CSMD1: variants seen among roughly 807,000 people sequenced by gnomAD.
CSMD1 encodes CUB and Sushi multiple domains 1.
Under a neutral mutation model 417.5 loss-of-function variants are expected in CSMD1, and 213 were observed. The ratio of observed to expected loss-of-function variants is 0.51; its 90% CI spans 0.46 to 0.57. The LOEUF (loss-of-function observed/expected upper bound fraction) is 0.57. CSMD1 is among the 20% of genes least tolerant of loss of function. CSMD1 has a pLI of 0.00. For synonymous variants in CSMD1, 2,862 were observed against 1,736.8 expected, an observed-to-expected ratio of 1.65 and a Z score of -16.11; for missense variants, 6,923 against 4,529.7, an observed-to-expected ratio of 1.53 and a Z score of -15.17.
chr8:3,692,714 T>C (rs1186887331), intron 7 of CSMD1, among the ~76,000 whole-genome samples: 2 of 152,188 alleles, frequency 1.3e-5, no homozygotes, highest in Non-Finnish European at 1.5e-5. Flanking sequence ...ATTACAGGCA[T>C]AAGCCACCAC....
intron 2 of CSMD1, among the ~76,000 whole-genome samples, chr8:4,575,817 G>C (rs1387687291): frequency 6.6e-6 from 1 of 152,290 alleles, no homozygotes; most frequent in Non-Finnish European, 1.5e-5. Flanking sequence ...CTAGTCTGAG[G>C]TCGCAATGTC....
chr8:4,961,518 T>C lies in CSMD1; in HGVS notation c.85+32814A>G, dbSNP rs57407188. On this transcript the variant is annotated intron_variant, in intron 1 of 69. Coordinates refer to ENST00000635120, the MANE Select transcript of CSMD1 (RefSeq NM_033225.6). ...TCAGCACCAATAAGTATCCATTAGTTTGGCTAGTTTGAAAATTAGTTCCTC... is the reference window on the plus strand; with the variant it reads ...TCAGCACCAATAAGTATCCATTAGTCTGGCTAGTTTGAAAATTAGTTCCTC... Among the ~76,000 whole-genome samples the C allele has an allele frequency of 7.7e-3, 1,178 of 152,278 alleles. 48 individuals are homozygous for C. The East Asian group carries it at 0.12, about 16-fold the overall frequency.
At chr8:4,834,497 G>C (rs190365812) in intron 1 of CSMD1, among the ~76,000 whole-genome samples, 6 of 152,288 alleles carry the variant, frequency 3.9e-5, no homozygotes, top group African/African-American at 1.4e-4. Flanking sequence ...AGTTCGAGCT[G>C]AGTTGTAAGG....
chr8:4,318,377 G>A (rs933120530), intron 3 of CSMD1, among the ~76,000 whole-genome samples: 4 of 151,946 alleles, frequency 2.6e-5, no homozygotes, highest in South Asian at 2.1e-4. Context: ...GCACACTCTC[G>A]TACACATCTC....
chr8:3,515,636 T>C (rs113455149), intron 10 of CSMD1, among the ~76,000 whole-genome samples: 11,782 of 152,276 alleles, frequency 0.077, 576 homozygotes, highest in Non-Finnish European at 0.092. Context: ...GGCAGGCCAC[T>C]GGAAATGTGG....
At chr8:4,039,257 T>A (rs996867590) in intron 3 of CSMD1, among the ~76,000 whole-genome samples, 3 of 152,172 alleles carry the variant, frequency 2.0e-5, no homozygotes, top group Non-Finnish European at 4.4e-5. Flanking sequence ...CCTGGTAGCT[T>A]AAGAAAATAT....
At chr8:4,044,241 C>T (rs1344141866) in intron 3 of CSMD1, among the ~76,000 whole-genome samples, 3 of 152,142 alleles carry the variant, frequency 2.0e-5, no homozygotes, top group Non-Finnish European at 4.4e-5. Context: ...CTTATTTTCT[C>T]ATACTTCCTT....
chr8:4,208,966 C>G (rs779529348), intron 3 of CSMD1, among the ~76,000 whole-genome samples: 8 of 152,188 alleles, frequency 5.3e-5, no homozygotes, highest in African/African-American at 1.7e-4. Flanking sequence ...CAATTTAGAG[C>G]TGAAAAACCT....
At chr8:3,220,614 C>G (rs150506666) in intron 28 of CSMD1, among the ~76,000 whole-genome samples, 1 of 152,144 alleles carries the variant, frequency 6.6e-6, no homozygotes, top group Non-Finnish European at 1.5e-5. Context: ...AGGCAGATCA[C>G]GAGGTCAGGA....
intron 52 of CSMD1, among the ~76,000 whole-genome samples, chr8:3,006,588 G>A (rs577805711): frequency 0.02 from 3,022 of 151,526 alleles, 63 homozygotes; most frequent in African/African-American, 0.068. Flanking sequence ...TAGATCAATG[G>A]AACAGAACAG....
intron 3 of CSMD1, among the ~76,000 whole-genome samples, chr8:4,342,047 T>A (rs1005304918): frequency 3.5e-4 from 53 of 152,216 alleles, no homozygotes; most frequent in African/African-American, 1.2e-3. Context: ...TGATATGAAT[T>A]TGGAGCATCC....
At chr8:3,229,031 A>C (rs930196439) in intron 27 of CSMD1, among the ~76,000 whole-genome samples, 2 of 152,106 alleles carry the variant, frequency 1.3e-5, no homozygotes, top group African/African-American at 4.8e-5. Context: ...CAGCTATCCA[A>C]CCTCATCTGT....
intron 4 of CSMD1, among the ~76,000 whole-genome samples, chr8:4,009,868 C>G (rs902617487): frequency 1.3e-5 from 2 of 152,032 alleles, no homozygotes; most frequent in Admixed American, 1.3e-4. Context: ...TAAGAGGGTA[C>G]TCTCGTACAT....
At chr8:4,119,057 CAG>C in intron 3 of CSMD1, among the ~76,000 whole-genome samples, 1 of 152,024 alleles carries the variant, frequency 6.6e-6, no homozygotes. Flanking sequence ...CACACGGACA[CAG>C]GGAGGGGAAC....
chr8:3,680,733 C>G (rs1266903246), intron 7 of CSMD1, among the ~76,000 whole-genome samples: 1 of 152,048 alleles, frequency 6.6e-6, no homozygotes, highest in East Asian at 1.9e-4. Flanking sequence ...GAGACACAAC[C>G]AAAAAAGAGA....
chr8:4,043,261 G>C (rs183731797), intron 3 of CSMD1, among the ~76,000 whole-genome samples: 36 of 152,170 alleles, frequency 2.4e-4, no homozygotes, highest in Admixed American at 1.1e-3. Flanking sequence ...GCTAGCATAG[G>C]AGATAAAACG....
chr8:3,654,455 C>T (rs1410309001), intron 7 of CSMD1, among the ~76,000 whole-genome samples: 1 of 152,092 alleles, frequency 6.6e-6, no homozygotes, highest in Admixed American at 6.6e-5. Context: ...GATAATGGTA[C>T]AGGAAGAGGG....
At chr8:3,394,760 G>C (rs889238379) in intron 17 of CSMD1, among the ~76,000 whole-genome samples, 2 of 152,018 alleles carry the variant, frequency 1.3e-5, no homozygotes, top group African/African-American at 4.8e-5. Context: ...ACATTTTAAA[G>C]AAACAAAATG....
At chr8:3,532,976 C>T (rs1798042483) in intron 10 of CSMD1, among the ~76,000 whole-genome samples, 1 of 152,186 alleles carries the variant, frequency 6.6e-6, no homozygotes, top group Non-Finnish European at 1.5e-5. Flanking sequence ...ACAATCACCT[C>T]ATTTTATACA....
Sources: allele counts gnomAD v4.1 joint callset (sites outside exome capture counted in the v4.1 genomes callset), GRCh38; gene constraint gnomAD v4.1.1; transcripts MANE v1.5; gene names NCBI Gene and HGNC (gene_info 2026-07-23, HGNC 2026-07-21).